MARVELD2: variants seen among roughly 807,000 people sequenced by gnomAD.
MARVELD2 encodes MARVEL domain-containing protein 2.
MARVELD2 carries 49 observed loss-of-function variants against 57.6 expected under a neutral mutation model. The observed-to-expected ratio is 0.85, with a 90% CI of 0.68 to 1.08. The LOEUF (loss-of-function observed/expected upper bound fraction) is 1.08, where lower values mean the gene tolerates loss of function less well. Among genes scored for constraint, MARVELD2 ranks in the 50% least tolerant of loss-of-function variants. The probability of loss-of-function intolerance (pLI) is 0.00; values close to 1 mark genes in which losing one functional copy is unlikely to be tolerated. For synonymous variants in MARVELD2, 238 were observed against 258.8 expected (o/e 0.92, Z 0.77); for missense variants, 606 against 701.1 (o/e 0.86, Z 1.53).
intron 3 of MARVELD2, among the ~76,000 whole-genome samples, chr5:69,428,182 G>GA (rs67763488): frequency 0.32 from 33,797 of 104,290 alleles, 5,497 homozygotes; most frequent in South Asian, 0.35. Flanking sequence ...AAAAAGAGCA[G>GA]AAAAAAAGTT....
rs1767401077 is a variant in MARVELD2 at position 69,444,024 on chromosome 5, G to GAAAAAAAAAAAAAAAAAAAAAAAAAA, written c.*2370_*2371insAAAAAAAAAAAAAAAAAAAAAAAAAA. The GAAAAAAAAAAAAAAAAAAAAAAAAAA allele has an allele frequency of 3.9e-5, 1 of 25,864 alleles. No homozygotes were observed. The highest frequency in any genetic ancestry group is 1.4e-4 in the Non-Finnish European group (1 of 7,286). The allele number at this position is 25,864 out of a possible 1,614,324, so 1.6% of individuals were successfully genotyped here. A position where few individuals can be genotyped will look rare whatever the true frequency, so the allele number is the denominator to read the frequency against. The stretch of plus-strand genomic sequence containing the variant: ...ACCAGTGCTTTAAAAAAAAAAAAAG[G>GAAAAAAAAAAAAAAAAAAAAAAAAAA]TAAAATATTACCATTTTGATAGACT... On this transcript the variant is annotated 3_prime_UTR_variant, in exon 7 of 7. Coordinates refer to ENST00000325631, the MANE Select transcript of MARVELD2 (RefSeq NM_001038603.3).
In MARVELD2 at chr5:69,444,241, C is replaced by T. The variant is rs1767407270; in HGVS notation, c.*2587C>T. On this transcript the variant is annotated 3_prime_UTR_variant, in exon 7 of 7. Coordinates refer to ENST00000325631, the MANE Select transcript of MARVELD2 (RefSeq NM_001038603.3). ...GTGTGTGTGTGCCCTTTTATGTTTG[C>T]CTTCCTAGCATTCCTGTGTTCACTG... 1 of 151,974 alleles carries T rather than the reference C, an allele frequency of 6.6e-6. No homozygotes were observed. Among genetic ancestry groups the T allele is most frequent in the Non-Finnish European group, 1.5e-5 (1 of 67,992 alleles). 9.4% of individuals were successfully genotyped at this position (151,974 alleles called of 1,614,324 possible).
At position 69,419,822 on chromosome 5, in the gene MARVELD2, C is replaced by T. The variant is rs552673359; in HGVS notation, c.437C>T (p.Ser146Phe). Residue 146 changes from serine (S) to phenylalanine (F), a missense_variant, in exon 2 of 7, where the codon TCC becomes TTC. Ser to Phe is a radical substitution (Grantham distance 155). Coordinates refer to ENST00000325631, the MANE Select transcript of MARVELD2 (RefSeq NM_001038603.3). ...GGAGGGTCAGAAGGAACCTTTAGTT[C>T]CCGGAAAGAGGCTGACGCAGTGTTT... ...PYGGSEGTFS[S>F]RKEADAVFPR... is the part of the protein sequence containing the mutation. 6.2e-7 allele frequency: 1 copy of T among 1,614,194 alleles called. No individual in the cohort carries two copies. Among genetic ancestry groups the T allele is most frequent in the East Asian group, 2.2e-5 (1 of 44,892 alleles).
At position 69,438,683 on chromosome 5, in the gene MARVELD2, G is replaced by A. The variant is rs889017120; in HGVS notation, c.1504-1767G>A. On this transcript the variant is annotated intron_variant, in intron 5 of 6. Transcript: ENST00000325631. ...GGGTGAATCACAAGGTCAGGAGTTC[G>A]AGACCAGCCAGGCCAACATGGTGAA... 2.0e-5 allele frequency among the ~76,000 whole-genome samples: 3 copies of A among 152,096 alleles called. No individual in the cohort carries two copies. The South Asian group carries it at 6.2e-4, about 32-fold the overall frequency.
At chr5:69,419,264 T>C in intron 1 of MARVELD2, 107 bp from the exon 2 acceptor site, 1 of 1,085,780 alleles carries the variant, frequency 9.2e-7, no homozygotes, top group Admixed American at 2.0e-5. Context: ...TAATTAGACA[T>C]GATCCTGTTG....
In MARVELD2 at chr5:69,443,031, G is replaced by C. The variant is rs551067866; in HGVS notation, c.*1377G>C. ...TTTTTAGTAGAGATGGGGTTTCACC[G>C]TGTTAGCCAGGATGATCTCGATCTC... On this transcript the variant is annotated 3_prime_UTR_variant, in exon 7 of 7. Coordinates refer to ENST00000325631, the MANE Select transcript of MARVELD2 (RefSeq NM_001038603.3). The C allele has an allele frequency of 6.7e-6, 1 of 150,306 alleles. No homozygotes were observed. Among genetic ancestry groups the C allele is most frequent in the African/African-American group, 2.5e-5 (1 of 40,778 alleles). 9.3% of individuals were successfully genotyped at this position (150,306 alleles called of 1,614,324 possible). A position where few individuals can be genotyped will look rare whatever the true frequency, so the allele number is the denominator to read the frequency against.
chr5:69,429,131 T>C (rs944100254), intron 3 of MARVELD2, among the ~76,000 whole-genome samples: 1 of 152,180 alleles, frequency 6.6e-6, no homozygotes, highest in Non-Finnish European at 1.5e-5. Flanking sequence ...TGGCGAGGCA[T>C]GCTTTCTACA....
chr5:69,426,394 G>A (rs1158794490), intron 3 of MARVELD2, among the ~76,000 whole-genome samples: 4 of 149,652 alleles, frequency 2.7e-5, no homozygotes, highest in Non-Finnish European at 5.9e-5. Flanking sequence ...GAGTGCAGTG[G>A]TGCGATCTCA....
chr5:69,417,800 G>T (rs537184819), intron 1 of MARVELD2, among the ~76,000 whole-genome samples: 1 of 152,076 alleles, frequency 6.6e-6, no homozygotes, highest in African/African-American at 2.4e-5. Context: ...TTAGCCGGGC[G>T]TGGTGGCGAG....
chr5:69,421,612 G>T (rs1000981832), intron 2 of MARVELD2, among the ~76,000 whole-genome samples: 2 of 151,704 alleles, frequency 1.3e-5, no homozygotes, highest in African/African-American at 4.8e-5. Flanking sequence ...ATAGCGCTTT[G>T]GTTTTAAAAT....
chr5:69,429,845 C>CA (rs35899728), intron 3 of MARVELD2, among the ~76,000 whole-genome samples: 2 of 126,742 alleles, frequency 1.6e-5, no homozygotes, highest in Non-Finnish European at 3.3e-5. Flanking sequence ...GACTCTGTAT[C>CA]AAAAAAAAAA....
intron 3 of MARVELD2, among the ~76,000 whole-genome samples, chr5:69,431,929 T>G (rs1766977368): frequency 6.8e-6 from 1 of 146,136 alleles, no homozygotes; most frequent in Admixed American, 7.0e-5. Context: ...CTCTACCTCC[T>G]GGACTCAAGC....
At chr5:69,424,669 A>C (rs1561294567) in intron 3 of MARVELD2, 33 bp downstream of exon 3, 3 of 1,504,962 alleles carry the variant, frequency 2.0e-6, no homozygotes, top group Non-Finnish European at 2.8e-6. Flanking sequence ...ATTATGCTTT[A>C]GATTTGTTAA....
chr5:69,420,643 T>A (rs1766600761), intron 2 of MARVELD2, 112 bp downstream of exon 2: 1 of 1,077,602 alleles, frequency 9.3e-7, no homozygotes, highest in African/African-American at 1.6e-5. Context: ...ATAGAAATCT[T>A]TTCTTTCTTC....
chr5:69,441,704 A>C lies in MARVELD2; in HGVS notation c.*50A>C. On this transcript the variant is annotated 3_prime_UTR_variant, in exon 7 of 7. Coordinates refer to ENST00000325631, the MANE Select transcript of MARVELD2 (RefSeq NM_001038603.3). ...TTTTATTTTATTTTATTTTTTTGAG[A>C]TGAAGTCTCGCTCTGTTACCCAGGC... 2 of 1,330,110 alleles carry C rather than the reference A, an allele frequency of 1.5e-6. No individual in the cohort carries two copies. Among genetic ancestry groups the C allele is most frequent in the Non-Finnish European group, 2.1e-6 (2 of 952,788 alleles). 82.4% of individuals were successfully genotyped at this position (1,330,110 alleles called of 1,614,324 possible).
At chr5:69,424,520 C>T (rs2150919515) in intron 2 of MARVELD2, 81 bp from the exon 3 acceptor site, 1 of 1,166,278 alleles carries the variant, frequency 8.6e-7, no homozygotes, top group Non-Finnish European at 1.3e-6. Context: ...TGAGGTTGGG[C>T]TATAAATGCA....
At chr5:69,425,373 T>A (rs1766756078) in intron 3 of MARVELD2, among the ~76,000 whole-genome samples, 1 of 149,232 alleles carries the variant, frequency 6.7e-6, no homozygotes. Context: ...GTGCACATGT[T>A]CCCTAAAACT....
rs142001621 is a variant in MARVELD2, at chr5:69,441,920, T to A, written c.*266T>A. On this transcript the variant is annotated 3_prime_UTR_variant, in exon 7 of 7. Transcript: ENST00000325631. ...GGTCAGGCTGGGAAACTACTTTTTT[T>A]AAAAAATAGCAAGTTTACTATTTAT... The A allele has an allele frequency of 6.0e-4, 151 of 249,772 alleles. No homozygotes were observed. Among genetic ancestry groups the A allele is most frequent in the African/African-American group, 2.6e-3 (114 of 44,130 alleles). The allele number at this position is 249,772 out of a possible 1,614,324, so 15.5% of individuals were successfully genotyped here.
chr5:69,420,620 A>C, intron 2 of MARVELD2, 89 bp downstream of exon 2: 1 of 1,263,134 alleles, frequency 7.9e-7, no homozygotes, highest in Non-Finnish European at 1.1e-6. Flanking sequence ...AGCGCTCAAA[A>C]CAGAAAGCTT....
Sources: allele counts gnomAD v4.1 joint callset (sites outside exome capture counted in the v4.1 genomes callset), GRCh38; gene constraint gnomAD v4.1.1; transcripts MANE v1.5; gene names NCBI Gene and HGNC (gene_info 2026-07-23, HGNC 2026-07-21).